Variants in SPAG11B observed in about 807,000 individuals in gnomAD.
The protein encoded by SPAG11B is sperm-associated antigen 11B.
SPAG11B carries 5 observed loss-of-function variants against 8.9 expected under a neutral mutation model. The ratio of observed to expected loss-of-function variants is 0.56; its 90% CI spans 0.29 to 1.19. SPAG11B has a LOEUF of 1.19. Among genes scored for constraint, SPAG11B ranks in the 50% most tolerant of loss-of-function variants. The probability of loss-of-function intolerance (pLI) is 0.08; values close to 1 mark genes in which losing one functional copy is unlikely to be tolerated. For synonymous variants in SPAG11B, 12 were observed against 53.0 expected (o/e 0.23, Z 3.36); for missense variants, 38 against 146.4 (o/e 0.26, Z 3.82).
At chr8:7,453,196 T>C (rs71511267) in intron 2 of SPAG11B, among the ~76,000 whole-genome samples, 5,501 of 141,926 alleles carry the variant, frequency 0.039, 70 homozygotes, top group Non-Finnish European at 0.055. Flanking sequence ...GTGCTGGGAG[T>C]TGTGAAAACA....
chr8:7,462,663 TC>T (rs780313768), intron 2 of SPAG11B, 43 bp downstream of exon 2: 65 of 1,526,478 alleles, frequency 4.3e-5, no homozygotes, highest in Non-Finnish European at 5.7e-5. Flanking sequence ...CCTCTACGTC[TC>T]CCCAGTGGAT....
downstream of SPAG11B, among the ~76,000 whole-genome samples, chr8:7,449,623 A>C (rs1407967433): frequency 1.3e-5 from 2 of 149,932 alleles, no homozygotes; most frequent in African/African-American, 5.0e-5. Flanking sequence ...AAAGAAAAAA[A>C]ACAAGAGTGA....
At chr8:7,451,928 G>A (rs1448167744) in intron 2 of SPAG11B, among the ~76,000 whole-genome samples, 6 of 134,294 alleles carry the variant, frequency 4.5e-5, no homozygotes, top group Non-Finnish European at 7.9e-5. Flanking sequence ...TAGAGCATGG[G>A]GCTGCTATAG....
At chr8:7,458,614 T>C (rs1233027423) in intron 2 of SPAG11B, among the ~76,000 whole-genome samples, 2 of 81,022 alleles carry the variant, frequency 2.5e-5, no homozygotes, top group Non-Finnish European at 4.6e-5. Flanking sequence ...TATTTGCAAA[T>C]ATAAGACTAT....
downstream of SPAG11B, among the ~76,000 whole-genome samples, chr8:7,448,896 C>A (rs576689614): frequency 8.9e-4 from 129 of 144,534 alleles, 4 homozygotes; most frequent in South Asian, 0.012. Context: ...TTTTACCATG[C>A]CTTACAGGTG....
rs2853659 is a variant in SPAG11B, at chr8:7,450,962, C to T, written c.215-62G>A. The T allele has an allele frequency of 9.1e-6, 14 of 1,533,714 alleles. 2 individuals are homozygous for T. Among genetic ancestry groups the T allele is most frequent in the Non-Finnish European group, 1.1e-5 (13 of 1,131,652 alleles). ...ATATAGTGCAGAGAATAGAAGATGA[C>T]CCCAGCCCGCTGCCAAGGGTTATAT... On this transcript the variant is annotated intron_variant, in intron 2 of 2. Transcript: ENST00000398462.
At chr8:7,453,725 G>A (rs1191101049) in intron 2 of SPAG11B, among the ~76,000 whole-genome samples, 6 of 148,884 alleles carry the variant, frequency 4.0e-5, no homozygotes, top group Non-Finnish European at 7.4e-5. Flanking sequence ...AACAGTGTGA[G>A]CATCTCAAAG....
At chr8:7,453,534 T>C (rs563528599) in intron 2 of SPAG11B, among the ~76,000 whole-genome samples, 1 of 148,576 alleles carries the variant, frequency 6.7e-6, no homozygotes, top group African/African-American at 2.6e-5. Context: ...CTTGCCTATA[T>C]TACTTGTTAT....
chr8:7,452,109 G>A (rs1366516884), intron 2 of SPAG11B: 1 of 71,454 alleles, frequency 1.4e-5, no homozygotes, highest in Admixed American at 1.6e-4. Flanking sequence ...ACTTCACAGG[G>A]GAGATCAAAA....
intron 2 of SPAG11B, among the ~76,000 whole-genome samples, chr8:7,459,348 T>A (rs1475775982): frequency 7.2e-6 from 1 of 138,118 alleles, no homozygotes; most frequent in Admixed American, 7.3e-5. Context: ...TGTGCCAGAC[T>A]GATATCTGCA....
chr8:7,453,159 G>T (rs1810286080), intron 2 of SPAG11B, among the ~76,000 whole-genome samples: 1 of 143,584 alleles, frequency 7.0e-6, no homozygotes, highest in South Asian at 2.2e-4. Context: ...GTCATCCTGG[G>T]CTGGAGGGAG....
At chr8:7,450,930 T>C (rs1450213501) in intron 2 of SPAG11B, 30 bp from the exon 3 acceptor site, 8 of 1,550,116 alleles carry the variant, frequency 5.2e-6, no homozygotes, top group Non-Finnish European at 7.0e-6. Flanking sequence ...GAGTTGACAT[T>C]TAACTCATAT....
At position 7,451,863 on chromosome 8, in the gene SPAG11B, G is replaced by T. The variant is rs1291296509; in HGVS notation, c.215-963C>A. 2.6e-5 allele frequency among the ~76,000 whole-genome samples: 4 copies of T among 151,206 alleles called. 1 individual carries two copies. The highest frequency in any genetic ancestry group is 9.8e-5 in the African/African-American group (4 of 40,696). ...TTTGAAGACCTACTATGACCATAAAGATTCATTGCACCATGGTAAATTAAC... is the reference window on the plus strand; with the variant it reads ...TTTGAAGACCTACTATGACCATAAATATTCATTGCACCATGGTAAATTAAC... On this transcript the variant is annotated intron_variant, in intron 2 of 2. Coordinates refer to ENST00000398462, the MANE Select transcript of SPAG11B (RefSeq NM_058201.4).
chr8:7,450,239 G>T (rs1463023618), downstream of SPAG11B, among the ~76,000 whole-genome samples: 8 of 141,270 alleles, frequency 5.7e-5, no homozygotes, highest in Admixed American at 2.2e-4. Flanking sequence ...AAGAGTAAAT[G>T]CTTGAAAACA....
chr8:7,448,751 C>T (rs1245599170), downstream of SPAG11B, among the ~76,000 whole-genome samples: 323 of 136,682 alleles, frequency 2.4e-3, 4 homozygotes, highest in Non-Finnish European at 2.0e-3. Context: ...GAGCCTGCAC[C>T]GCCTTCCCTC....
chr8:7,455,854 C>T (rs1338826696), intron 2 of SPAG11B, among the ~76,000 whole-genome samples: 2 of 148,610 alleles, frequency 1.3e-5, no homozygotes, highest in East Asian at 2.0e-4. Context: ...GTAAAATAAG[C>T]TAGGCACAAA....
At chr8:7,453,808 G>T (rs1458232231) in intron 2 of SPAG11B, among the ~76,000 whole-genome samples, 1 of 148,408 alleles carries the variant, frequency 6.7e-6, no homozygotes, top group African/African-American at 2.6e-5. Context: ...GCCCTGGCAG[G>T]GACTCTCTGA....
At chr8:7,459,488 C>G (rs1281283574) in intron 2 of SPAG11B, among the ~76,000 whole-genome samples, 1 of 148,054 alleles carries the variant, frequency 6.8e-6, no homozygotes, top group African/African-American at 2.5e-5. Context: ...CATCAAGCAA[C>G]TGAGAAAATA....
At chr8:7,451,721 G>A (rs1250749486) in intron 2 of SPAG11B, among the ~76,000 whole-genome samples, 2 of 150,068 alleles carry the variant, frequency 1.3e-5, no homozygotes, top group African/African-American at 5.0e-5. Flanking sequence ...CTGGATTCTG[G>A]TCTTACTTCT....
Sources: gnomAD v4.1 joint callset for allele counts (sites outside exome capture counted in the v4.1 genomes callset) on GRCh38, gnomAD v4.1.1 for gene constraint, MANE v1.5 for transcripts, NCBI Gene and HGNC (gene_info 2026-07-23, HGNC 2026-07-21) for gene names.